ZMYND11: variants seen among roughly 807,000 people sequenced by gnomAD.
ZMYND11 encodes the protein zinc finger MYND domain-containing protein 11.
ZMYND11 carries 9 observed loss-of-function variants against 84.9 expected under a neutral mutation model. That is an observed-to-expected ratio of 0.11 (90% CI 0.06 to 0.18). The LOEUF (loss-of-function observed/expected upper bound fraction) is 0.18, where lower values mean the gene tolerates loss of function less well. Ranked by LOEUF, ZMYND11 falls within the 10% of genes least tolerant of loss-of-function variation. The probability of loss-of-function intolerance (pLI) is 1.00; values close to 1 mark genes in which losing one functional copy is unlikely to be tolerated. For missense variants in ZMYND11, 409 were observed against 761.0 expected (o/e 0.54, Z 5.44); for synonymous variants, 250 against 244.1 (o/e 1.02, Z -0.23).
At position 216,587 on chromosome 10, in the gene ZMYND11, T is replaced by TG. The variant is rs1946224448; in HGVS notation, c.277-4607dup. Reference sequence around the variant, plus strand: ...ACCACATATTTCTTCCAAATGTCCATGCCCTATCTTAGTTACAAAAACACA... The same window carrying TG: ...ACCACATATTTCTTCCAAATGTCCATGGCCCTATCTTAGTTACAAAAACACA... On this transcript the variant is annotated intron_variant, in intron 3 of 14. Coordinates refer to ENST00000381604, the MANE Select transcript of ZMYND11 (RefSeq NM_001370100.5). 2.0e-5 allele frequency among the ~76,000 whole-genome samples: 3 copies of TG among 152,198 alleles called. No homozygotes were observed. The South Asian group carries it at 6.2e-4, about 32-fold the overall frequency.
chr10:243,625 G>A (rs1384975684), intron 10 of ZMYND11, among the ~76,000 whole-genome samples: 3 of 152,160 alleles, frequency 2.0e-5, no homozygotes, highest in Non-Finnish European at 4.4e-5. Context: ...CTGCACTTTG[G>A]GAGGCCGAGG....
chr10:165,760 A>G (rs1025025115), intron 1 of ZMYND11, among the ~76,000 whole-genome samples: 11 of 152,240 alleles, frequency 7.2e-5, no homozygotes, highest in Admixed American at 3.9e-4. Flanking sequence ...TTATTTTCCA[A>G]AGCTCCCATT....
At chr10:211,477 C>T (rs1213851899) in intron 3 of ZMYND11, among the ~76,000 whole-genome samples, 1 of 152,088 alleles carries the variant, frequency 6.6e-6, no homozygotes, top group Non-Finnish European at 1.5e-5. Context: ...GGCTCTACAG[C>T]AGATGAGCCA....
At chr10:189,947 C>G (rs1939886103) in intron 2 of ZMYND11, among the ~76,000 whole-genome samples, 1 of 152,018 alleles carries the variant, frequency 6.6e-6, no homozygotes, top group Admixed American at 6.5e-5. Context: ...AGAGGCGAGT[C>G]AAAGCATAGA....
upstream of ZMYND11, chr10:134,794 G>A (rs1411883374): frequency 6.6e-6 from 1 of 152,274 alleles, no homozygotes; most frequent in African/African-American, 2.4e-5. Flanking sequence ...CACGTACGTA[G>A]CCTTCACGTG....
chr10:139,730 G>C (rs1554753469), intron 1 of ZMYND11, among the ~76,000 whole-genome samples: 1 of 68,110 alleles, frequency 1.5e-5, no homozygotes, highest in Non-Finnish European at 2.9e-5. Context: ...TTTTTTTTTG[G>C]AGATAGGGTC....
upstream of ZMYND11, among the ~76,000 whole-genome samples, chr10:131,692 T>TC (rs1276241800): frequency 2.7e-5 from 4 of 148,816 alleles, no homozygotes; most frequent in Admixed American, 2.7e-4. Context: ...ATCTGGCTAT[T>TC]TTTTTTTTTT....
intron 2 of ZMYND11, among the ~76,000 whole-genome samples, chr10:198,516 A>G (rs1342305007): frequency 2.0e-5 from 3 of 152,226 alleles, no homozygotes; most frequent in Non-Finnish European, 4.4e-5. Context: ...TTTTTAATTC[A>G]GAAATAAGGG....
At chr10:168,556 C>G (rs1040774159) in intron 1 of ZMYND11, among the ~76,000 whole-genome samples, 2 of 152,100 alleles carry the variant, frequency 1.3e-5, no homozygotes, top group African/African-American at 2.4e-5. Flanking sequence ...GGGAAACATT[C>G]TGTATTTTCA....
At chr10:193,634 C>G (rs1941003055) in intron 2 of ZMYND11, among the ~76,000 whole-genome samples, 1 of 152,192 alleles carries the variant, frequency 6.6e-6, no homozygotes, top group Non-Finnish European at 1.5e-5. Flanking sequence ...TTGAGGAAGT[C>G]ATTTTCTTTC....
chr10:152,594 C>T (rs1056749959), intron 1 of ZMYND11, among the ~76,000 whole-genome samples: 3 of 152,292 alleles, frequency 2.0e-5, no homozygotes, highest in East Asian at 1.9e-4. Context: ...AAGGCTTACA[C>T]TCCCGCACAA....
chr10:195,402 G>A (rs1941490285), intron 2 of ZMYND11, among the ~76,000 whole-genome samples: 1 of 152,108 alleles, frequency 6.6e-6, no homozygotes, highest in Non-Finnish European at 1.5e-5. Flanking sequence ...TTCAAGTTGT[G>A]AAAAAAATTA....
At chr10:244,772 GATCAGAGAGCATACCCCGTGATA>G (rs1951783097) in intron 10 of ZMYND11, among the ~76,000 whole-genome samples, 1 of 152,170 alleles carries the variant, frequency 6.6e-6, no homozygotes, top group South Asian at 2.1e-4. Context: ...ATTTTTTGTA[GATCAGAGAGCATACCCCGTGATA>G]ATCAGATTTC....
At position 135,754 on chromosome 10, in the gene ZMYND11, C is replaced by T. The variant is rs1433230546; in HGVS notation, c.-20+195C>T. 6.9e-6 allele frequency among the ~76,000 whole-genome samples: 1 copy of T among 145,494 alleles called. No homozygotes were observed. Among genetic ancestry groups the T allele is most frequent in the African/African-American group, 2.5e-5 (1 of 40,088 alleles). On this transcript the variant is annotated intron_variant, in intron 1 of 14. Coordinates refer to ENST00000381604, the MANE Select transcript of ZMYND11 (RefSeq NM_001370100.5). This position sits in a 1 kb window ranked among gnomAD's most constrained non-coding sequence, Gnocchi z 5.6. The stretch of plus-strand genomic sequence containing the variant: ...TTGTGGATGGCGGGGCGGGCCGGGC[C>T]GGCGGGGCCTGCGAGGGCGGCGGCG...
intron 10 of ZMYND11, 111 bp downstream of exon 10, chr10:242,250 A>G (rs1951118209): frequency 6.7e-7 from 1 of 1,481,678 alleles, no homozygotes; most frequent in Non-Finnish European, 9.1e-7. Flanking sequence ...ATTGGAAAAA[A>G]AAAACACATT....
At chr10:245,393 C>T (rs1280876695) in intron 10 of ZMYND11, among the ~76,000 whole-genome samples, 6 of 152,134 alleles carry the variant, frequency 3.9e-5, no homozygotes, top group Admixed American at 3.9e-4. Flanking sequence ...GCCATGATTC[C>T]CTAAGAGATT....
upstream of ZMYND11, among the ~76,000 whole-genome samples, chr10:132,544 A>G (rs1367248813): frequency 6.6e-6 from 1 of 152,196 alleles, no homozygotes; most frequent in African/African-American, 2.4e-5. Context: ...CCATGGGCCA[A>G]TGAAGGTGCT....
intron 2 of ZMYND11, among the ~76,000 whole-genome samples, chr10:193,481 A>G (rs887457681): frequency 2.0e-5 from 3 of 152,192 alleles, no homozygotes; most frequent in Non-Finnish European, 4.4e-5. Flanking sequence ...TGTGACATTC[A>G]CTCAACAGTC....
At chr10:136,211 A>G (rs545354658) in intron 1 of ZMYND11, among the ~76,000 whole-genome samples, 46 of 152,112 alleles carry the variant, frequency 3.0e-4, no homozygotes, top group Non-Finnish European at 6.5e-4. Flanking sequence ...AGCTCCGGGG[A>G]GAAGCTGCTG....
Sources: gnomAD v4.1 joint callset for allele counts (sites outside exome capture counted in the v4.1 genomes callset) on GRCh38, gnomAD v4.1.1 for gene constraint, Gnocchi (gnomAD v3.1) non-coding constraint, MANE v1.5 for transcripts, NCBI Gene and HGNC (gene_info 2026-07-23, HGNC 2026-07-21) for gene names.